Variants in TRIM13 observed in about 807,000 individuals in gnomAD.
TRIM13 encodes the protein E3 ubiquitin-protein ligase TRIM13.
A neutral mutation model predicts 27.1 loss-of-function variants in TRIM13; 15 were observed. That is an observed-to-expected ratio of 0.55 (90% CI 0.37 to 0.85). TRIM13 has a LOEUF of 0.85. Among genes scored for constraint, TRIM13 ranks in the 40% least tolerant of loss-of-function variants. TRIM13 has a pLI of 0.00. For missense variants in TRIM13, 402 were observed against 472.2 expected, an observed-to-expected ratio of 0.85 and a Z score of 1.38; for synonymous variants, 193 against 171.5, an observed-to-expected ratio of 1.13 and a Z score of -0.98.
rs1594586137 is a variant in TRIM13, at chr13:50,013,212, A to C, written c.*48A>C. On this transcript the variant is annotated 3_prime_UTR_variant, in exon 2 of 2. Coordinates refer to ENST00000378182, the MANE Select transcript of TRIM13 (RefSeq NM_213590.3). ...TTCTTTTGTTAGAAATTGTTAGAGA[A>C]TAGAGAGTGGTAATTCAGATTTGGT... 1.3e-6 allele frequency: 2 copies of C among 1,491,780 alleles called. No individual in the cohort carries two copies. The highest frequency in any genetic ancestry group is 1.4e-5 in the African/African-American group (1 of 71,264). The allele number at this position is 1,491,780 out of a possible 1,614,324, so 92.4% of individuals were successfully genotyped here. A position where few individuals can be genotyped will look rare whatever the true frequency, so the allele number is the denominator to read the frequency against.
At chr13:50,004,157 A>G (rs1594564290) in intron 1 of TRIM13, among the ~76,000 whole-genome samples, 1 of 152,328 alleles carries the variant, frequency 6.6e-6, no homozygotes, top group Middle Eastern at 3.4e-3. Context: ...TGACTTCTAT[A>G]TTAGGAAAAA....
intron 1 of TRIM13, among the ~76,000 whole-genome samples, chr13:50,010,260 C>T (rs1875455314): frequency 6.6e-6 from 1 of 151,828 alleles, no homozygotes; most frequent in Admixed American, 6.6e-5. Context: ...TGCTATGTTG[C>T]CCGTACTGGT....
chr13:50,000,487 G>A (rs569568956), intron 1 of TRIM13, among the ~76,000 whole-genome samples: 2 of 152,206 alleles, frequency 1.3e-5, no homozygotes, highest in South Asian at 4.1e-4. Context: ...AAACAACACA[G>A]CAACAAGAAC....
rs1875915850 is a variant in TRIM13 at position 50,013,462 on chromosome 13, G to C, written c.*298G>C. On this transcript the variant is annotated 3_prime_UTR_variant, in exon 2 of 2. Coordinates refer to ENST00000378182, the MANE Select transcript of TRIM13 (RefSeq NM_213590.3). ...AGATCATATGATCTAATATTGTATT[G>C]ATGGAAGTATAGGTAGTATAGTAGT... 1 of 226,284 alleles carries C rather than the reference G, an allele frequency of 4.4e-6. No homozygotes were observed. Among genetic ancestry groups the C allele is most frequent in the African/African-American group, 2.3e-5 (1 of 42,570 alleles). The allele number at this position is 226,284 out of a possible 1,614,324, so 14.0% of individuals were successfully genotyped here.
In TRIM13 at chr13:50,013,516, C is replaced by G. The variant is rs1875924532; in HGVS notation, c.*352C>G. On this transcript the variant is annotated 3_prime_UTR_variant, in exon 2 of 2. Transcript: ENST00000378182. The stretch of plus-strand genomic sequence containing the variant: ...TGTTCTTCAAGCATGCAGTAAAGAT[C>G]ACTTTTTTTTTTTTTTTTTTTTTTG... The G allele has an allele frequency of 7.3e-6, 1 of 137,030 alleles. No homozygotes were observed. The highest frequency in any genetic ancestry group is 3.1e-5 in the African/African-American group (1 of 32,730). The allele number at this position is 137,030 out of a possible 1,614,324, so 8.5% of individuals were successfully genotyped here. A position where few individuals can be genotyped will look rare whatever the true frequency, so the allele number is the denominator to read the frequency against.
At position 50,017,736 on chromosome 13, in the gene TRIM13, C is replaced by G. The variant is rs1007835805; in HGVS notation, c.*4572C>G. ...CTGGTGATTGGGATGAAAACTCTGG[C>G]CTTAAAAGGTCCACTTTTAGTATAT... is the stretch of plus-strand genomic sequence containing the variant. On this transcript the variant is annotated 3_prime_UTR_variant, in exon 2 of 2. Coordinates refer to ENST00000378182, the MANE Select transcript of TRIM13 (RefSeq NM_213590.3). 1.2e-5 allele frequency: 2 copies of G among 166,948 alleles called. No homozygotes were observed. The highest frequency in any genetic ancestry group is 2.9e-5 in the Non-Finnish European group (2 of 68,086). The allele number at this position is 166,948 out of a possible 1,614,324, so 10.3% of individuals were successfully genotyped here.
intron 1 of TRIM13, among the ~76,000 whole-genome samples, chr13:50,009,591 C>G (rs1875284113): frequency 2.0e-5 from 3 of 151,828 alleles, no homozygotes; most frequent in Admixed American, 2.0e-4. Flanking sequence ...ACAAAAATTA[C>G]CTGCGTGTGG....
chr13:50,008,404 A>C (rs1875092280), intron 1 of TRIM13, among the ~76,000 whole-genome samples: 1 of 152,078 alleles, frequency 6.6e-6, no homozygotes, highest in Non-Finnish European at 1.5e-5. Flanking sequence ...AGTGGCTCAC[A>C]CCTGTGATCT....
At position 50,013,252 on chromosome 13, in the gene TRIM13, A is replaced by G. The variant is rs1414777385; in HGVS notation, c.*88A>G. ...TCAGATTTGGTCAACGATTCTAGTC[A>G]CATATTTTCCTCCAAAAGTATTCCT... On this transcript the variant is annotated 3_prime_UTR_variant, in exon 2 of 2. Coordinates refer to ENST00000378182, the MANE Select transcript of TRIM13 (RefSeq NM_213590.3). The G allele has an allele frequency of 2.3e-6, 3 of 1,304,038 alleles. No homozygotes were observed. Among genetic ancestry groups the G allele is most frequent in the Non-Finnish European group, 2.1e-6 (2 of 963,642 alleles). The allele number at this position is 1,304,038 out of a possible 1,614,324, so 80.8% of individuals were successfully genotyped here.
Position 50,014,360 on chromosome 13 carries a change from T to TATATATATATATACACACACACAC in TRIM13, c.*1197_*1198insTATATATATATACACACACACACA, listed in dbSNP as rs879170111. 1 of 58,544 alleles carries TATATATATATATACACACACACAC rather than the reference T, an allele frequency of 1.7e-5. No individual in the cohort carries two copies. Among genetic ancestry groups the TATATATATATATACACACACACAC allele is most frequent in the Non-Finnish European group, 3.1e-5 (1 of 32,114 alleles). The allele number at this position is 58,544 out of a possible 1,614,324, so 3.6% of individuals were successfully genotyped here. A position where few individuals can be genotyped will look rare whatever the true frequency, so the allele number is the denominator to read the frequency against. ...AAAAAAAAAAATATATATATATATATACACACACACACACACATATGTACA... is the reference window on the plus strand; with the variant it reads ...AAAAAAAAAAATATATATATATATATATATATATATATACACACACACACACACACACACACACACATATGTACA... On this transcript the variant is annotated 3_prime_UTR_variant, in exon 2 of 2. Transcript: ENST00000378182.
At chr13:50,009,601 G>A (rs1047357941) in intron 1 of TRIM13, among the ~76,000 whole-genome samples, 6 of 151,998 alleles carry the variant, frequency 3.9e-5, no homozygotes, top group Non-Finnish European at 8.8e-5. Flanking sequence ...CCTGCGTGTG[G>A]TGGTATGTGC....
At chr13:50,000,741 A>C (rs973170444) in intron 1 of TRIM13, among the ~76,000 whole-genome samples, 5 of 150,256 alleles carry the variant, frequency 3.3e-5, no homozygotes, top group Admixed American at 6.7e-5. Context: ...TTTTCTCTCT[A>C]TTTTCTGAAT....
intron 1 of TRIM13, among the ~76,000 whole-genome samples, chr13:49,999,283 A>G (rs567081962): frequency 6.6e-6 from 1 of 152,154 alleles, no homozygotes; most frequent in Non-Finnish European, 1.5e-5. Flanking sequence ...CACCTGGTCA[A>G]ACCAGTCCCC....
intron 1 of TRIM13, among the ~76,000 whole-genome samples, chr13:50,003,173 C>A (rs1394949174): frequency 6.6e-6 from 1 of 152,058 alleles, no homozygotes; most frequent in East Asian, 1.9e-4. Context: ...TAAAGCTTAG[C>A]ATAATTTAAT....
At chr13:50,001,367 A>G (rs911601316) in intron 1 of TRIM13, among the ~76,000 whole-genome samples, 2 of 152,064 alleles carry the variant, frequency 1.3e-5, no homozygotes, top group African/African-American at 4.8e-5. Flanking sequence ...GGAAAAGGAA[A>G]AAGTTTTTCT....
rs564800050 is a variant in TRIM13 at position 49,998,455 on chromosome 13, A to G, written c.-7+692A>G. Among the ~76,000 whole-genome samples, 7 of 152,284 alleles carry G rather than the reference A, an allele frequency of 4.6e-5. No homozygotes were observed. In the South Asian group the frequency reaches 1.4e-3, roughly 32 times the overall value. ...TTGCCTTGCCTTGAAATCACAGTTC[A>G]AGTTTAGAACCTTTTCTTGCTTGAT... On this transcript the variant is annotated intron_variant, in intron 1 of 1. Coordinates refer to ENST00000378182, the MANE Select transcript of TRIM13 (RefSeq NM_213590.3).
At position 50,015,618 on chromosome 13, in the gene TRIM13, T is replaced by A; in HGVS notation, c.*2454T>A. On this transcript the variant is annotated 3_prime_UTR_variant, in exon 2 of 2. Transcript: ENST00000378182. ...ATGTTAGATGGCAGAGACCAAGAAT[T>A]CAAGATGGTTGGTGGCCAGATTTTT... 2 of 1,614,138 alleles carry A rather than the reference T, an allele frequency of 1.2e-6. No individual in the cohort carries two copies. The highest frequency in any genetic ancestry group is 1.7e-6 in the Non-Finnish European group (2 of 1,179,972).
intron 1 of TRIM13, among the ~76,000 whole-genome samples, chr13:50,006,141 A>T (rs1474287564): frequency 6.6e-6 from 1 of 152,160 alleles, no homozygotes; most frequent in Admixed American, 6.5e-5. Context: ...TTTTTTGAAG[A>T]TACTTTCCAA....
At position 50,015,543 on chromosome 13, in the gene TRIM13, C is replaced by A; in HGVS notation, c.*2379C>A. ...TTGAATGTGGGAGGGAAGATATTCA[C>A]GACAAGGTTTTCTACGATAAAGCAG... is the stretch of plus-strand genomic sequence containing the variant. On this transcript the variant is annotated 3_prime_UTR_variant, in exon 2 of 2. Coordinates refer to ENST00000378182, the MANE Select transcript of TRIM13 (RefSeq NM_213590.3). 1 of 1,613,892 alleles carries A rather than the reference C, an allele frequency of 6.2e-7. No individual in the cohort carries two copies. Among genetic ancestry groups the A allele is most frequent in the Non-Finnish European group, 8.5e-7 (1 of 1,179,906 alleles).
Sources: allele counts gnomAD v4.1 joint callset (sites outside exome capture counted in the v4.1 genomes callset), GRCh38; gene constraint gnomAD v4.1.1; transcripts MANE v1.5; gene names NCBI Gene and HGNC (gene_info 2026-07-23, HGNC 2026-07-21).